Variants in CNBD1 observed in about 807,000 individuals in gnomAD.
CNBD1 encodes the protein cyclic nucleotide binding domain containing 1, also known as cyclic nucleotide-binding domain-containing protein 1.
A neutral mutation model predicts 54.4 loss-of-function variants in CNBD1; 71 were observed. The observed-to-expected ratio is 1.30, with a 90% CI of 1.08 to 1.59. CNBD1 has a LOEUF of 1.59. Among genes scored for constraint, CNBD1 ranks in the 40% most tolerant of loss-of-function variants. The pLI, the probability that CNBD1 is intolerant of heterozygous loss-of-function variation, is 0.00. For synonymous variants in CNBD1, 182 were observed against 170.7 expected (o/e 1.07, Z -0.51); for missense variants, 659 against 518.0 (o/e 1.27, Z -2.64).
chr8:87,205,516 C>CT (rs1247157546), intron 4 of CNBD1, among the ~76,000 whole-genome samples: 11 of 152,244 alleles, frequency 7.2e-5, no homozygotes, highest in African/African-American at 1.9e-4. Context: ...ACATACGTAT[C>CT]TTTTCACTTA....
chr8:86,976,609 C>A (rs1808348331), intron 4 of CNBD1, among the ~76,000 whole-genome samples: 2 of 151,722 alleles, frequency 1.3e-5, no homozygotes, highest in Admixed American at 1.3e-4. Context: ...TGAATTTAAT[C>A]CCTAGATTGT....
chr8:86,901,396 T>A, intron 2 of CNBD1, among the ~76,000 whole-genome samples: 1 of 152,178 alleles, frequency 6.6e-6, no homozygotes, highest in East Asian at 1.9e-4. Flanking sequence ...TTAGTTAACT[T>A]AAAATAAAAA....
intron 4 of CNBD1, among the ~76,000 whole-genome samples, chr8:87,054,460 G>A (rs1810373441): frequency 6.6e-6 from 1 of 152,096 alleles, no homozygotes; most frequent in South Asian, 2.1e-4. Flanking sequence ...TCCAAGTCTT[G>A]GAATCTCCCT....
At chr8:87,317,206 T>C (rs1434121611) in intron 8 of CNBD1, among the ~76,000 whole-genome samples, 2 of 151,736 alleles carry the variant, frequency 1.3e-5, no homozygotes, top group East Asian at 3.9e-4. Context: ...ATTTCTCCTT[T>C]TTTATTATTT....
chr8:87,241,457 A>G (rs1223769132), intron 6 of CNBD1, among the ~76,000 whole-genome samples: 2 of 151,872 alleles, frequency 1.3e-5, no homozygotes, highest in African/African-American at 4.8e-5. Flanking sequence ...TATTTTTAGT[A>G]GAGACGGGGT....
intron 4 of CNBD1, among the ~76,000 whole-genome samples, chr8:87,169,333 G>A (rs1259467007): frequency 2.0e-5 from 3 of 151,840 alleles, no homozygotes; most frequent in African/African-American, 4.8e-5. Context: ...ATCCCCTGCA[G>A]ATATTTTCTC....
chr8:87,420,070 A>C (rs1807905045), intron 2 of CNBD1, among the ~76,000 whole-genome samples: 1 of 151,750 alleles, frequency 6.6e-6, no homozygotes, highest in African/African-American at 2.4e-5. Flanking sequence ...TGTAAGATTC[A>C]TTTAACAATA....
intron 8 of CNBD1, among the ~76,000 whole-genome samples, chr8:87,351,342 A>G (rs1043212333): frequency 2.6e-5 from 4 of 152,206 alleles, no homozygotes; most frequent in African/African-American, 7.2e-5. Context: ...CAAATGAGCC[A>G]TGGTGGAAAT....
At chr8:87,387,017 G>A (rs1029055370), downstream of CNBD1, among the ~76,000 whole-genome samples, 1 of 152,144 alleles carries the variant, frequency 6.6e-6, no homozygotes, top group Non-Finnish European at 1.5e-5. Flanking sequence ...AGCTCCGTAA[G>A]TGAGGGAGAA....
At chr8:87,269,437 G>GT (rs1225817405) in intron 6 of CNBD1, among the ~76,000 whole-genome samples, 8 of 151,978 alleles carry the variant, frequency 5.3e-5, no homozygotes, top group Non-Finnish European at 8.8e-5. Flanking sequence ...TTTTGTAATT[G>GT]TTTTTTCTAA....
At chr8:87,383,561 G>C (rs887454698), downstream of CNBD1, among the ~76,000 whole-genome samples, 5 of 151,732 alleles carry the variant, frequency 3.3e-5, no homozygotes, top group Admixed American at 2.6e-4. Flanking sequence ...GTAACATACT[G>C]CTGCCCATGC....
chr8:87,363,434 C>A (rs1322433703), intron 10 of CNBD1, among the ~76,000 whole-genome samples: 1 of 152,092 alleles, frequency 6.6e-6, no homozygotes, highest in East Asian at 1.9e-4. Context: ...CTGTCTTCCA[C>A]AATGGTTGAA....
At chr8:87,374,711 G>T (rs567664886) in intron 10 of CNBD1, among the ~76,000 whole-genome samples, 2 of 151,874 alleles carry the variant, frequency 1.3e-5, no homozygotes, top group African/African-American at 2.4e-5. Flanking sequence ...ATTTTTCCAT[G>T]ATCTCACTCA....
chr8:87,076,651 C>A (rs903655117), intron 4 of CNBD1, among the ~76,000 whole-genome samples: 1 of 152,026 alleles, frequency 6.6e-6, no homozygotes, highest in Non-Finnish European at 1.5e-5. Context: ...ATCGTGTTAG[C>A]CAGGATAGTC....
intron 2 of CNBD1, among the ~76,000 whole-genome samples, chr8:87,411,544 G>A (rs1229928274): frequency 1.3e-5 from 2 of 150,106 alleles, no homozygotes; most frequent in Non-Finnish European, 3.0e-5. Context: ...AATATGTTAA[G>A]TACAGTTAAT....
At chr8:87,340,567 A>G (rs993840850) in intron 8 of CNBD1, among the ~76,000 whole-genome samples, 2 of 152,058 alleles carry the variant, frequency 1.3e-5, no homozygotes, top group African/African-American at 4.8e-5. Flanking sequence ...TCCATAAATC[A>G]TTTAATTTTT....
At chr8:87,222,319 C>T (rs1181707520) in intron 5 of CNBD1, among the ~76,000 whole-genome samples, 2 of 151,924 alleles carry the variant, frequency 1.3e-5, no homozygotes, top group African/African-American at 4.8e-5. Flanking sequence ...AGTGTTTTTG[C>T]TAAATGCCTA....
At chr8:87,118,301 C>T (rs1251876342) in intron 4 of CNBD1, among the ~76,000 whole-genome samples, 18 of 114,876 alleles carry the variant, frequency 1.6e-4, no homozygotes, top group African/African-American at 5.4e-4. Flanking sequence ...GGCGACAGAG[C>T]GAGACTCTGT....
At chr8:86,937,952 G>C (rs547395312) in intron 3 of CNBD1, among the ~76,000 whole-genome samples, 1 of 152,188 alleles carries the variant, frequency 6.6e-6, no homozygotes, top group South Asian at 2.1e-4. Context: ...TTTATGCTCT[G>C]CTTCCCTTTT....
Sources: allele counts gnomAD v4.1 joint callset (sites outside exome capture counted in the v4.1 genomes callset), GRCh38; gene constraint gnomAD v4.1.1; transcripts MANE v1.5; gene names NCBI Gene and HGNC (gene_info 2026-07-23, HGNC 2026-07-21).